Variants in RNLS observed in about 807,000 individuals in gnomAD.
RNLS encodes the protein renalase.
A neutral mutation model predicts 39.8 loss-of-function variants in RNLS; 39 were observed. That is an observed-to-expected ratio of 0.98 (90% CI 0.76 to 1.28). The LOEUF (loss-of-function observed/expected upper bound fraction) is 1.28. Ranked by LOEUF, RNLS falls within the 50% of genes most tolerant of loss-of-function variation. The pLI is 0.00. For synonymous variants in RNLS, 147 were observed against 150.7 expected, an observed-to-expected ratio of 0.98 and a Z score of 0.18; for missense variants, 410 against 413.3, an observed-to-expected ratio of 0.99 and a Z score of 0.07.
At chr10:88,333,079 A>C (rs1318419162) in intron 5 of RNLS, among the ~76,000 whole-genome samples, 6 of 152,128 alleles carry the variant, frequency 3.9e-5, no homozygotes, top group African/African-American at 1.4e-4. Context: ...GTAATTTCTT[A>C]AGTCAGTGCC....
chr10:88,288,350 T>C (rs1268106842), intron 6 of RNLS, among the ~76,000 whole-genome samples: 1 of 152,130 alleles, frequency 6.6e-6, no homozygotes, highest in Non-Finnish European at 1.5e-5. Flanking sequence ...AGAACTTACA[T>C]TTCCAGCACT....
chr10:88,369,071 C>A (rs1850339054), intron 4 of RNLS, among the ~76,000 whole-genome samples: 1 of 152,074 alleles, frequency 6.6e-6, no homozygotes, highest in Admixed American at 6.6e-5. Flanking sequence ...CTATTAGATT[C>A]TTCATGTTAT....
chr10:88,328,376 A>G (rs1030254591), intron 5 of RNLS, among the ~76,000 whole-genome samples: 1 of 152,200 alleles, frequency 6.6e-6, no homozygotes, highest in African/African-American at 2.4e-5. Flanking sequence ...TTTGCTTTAT[A>G]TCTAAGTTAG....
chr10:88,382,651 G>C lies in RNLS; in HGVS notation c.527-19926C>G, dbSNP rs544889367. Reference sequence around the variant, plus strand: ...TTTGGTGAGAACAGTTGCTTGAATAGTTGAGAATACTGGAAGCAATGGCAA... The same window carrying C: ...TTTGGTGAGAACAGTTGCTTGAATACTTGAGAATACTGGAAGCAATGGCAA... On this transcript the variant is annotated intron_variant, in intron 4 of 6. Transcript: ENST00000331772. 8.5e-4 allele frequency among the ~76,000 whole-genome samples: 129 copies of C among 152,232 alleles called. 1 individual carries two copies. In the South Asian group the frequency reaches 9.3e-3, roughly 11 times the overall value.
At chr10:88,547,087 T>C (rs1848354988) in intron 4 of RNLS, among the ~76,000 whole-genome samples, 1 of 152,234 alleles carries the variant, frequency 6.6e-6, no homozygotes, top group Non-Finnish European at 1.5e-5. Flanking sequence ...GTGAGCTTTT[T>C]CATTTCATTA....
At chr10:88,423,118 G>A (rs993032052) in intron 4 of RNLS, among the ~76,000 whole-genome samples, 2 of 152,114 alleles carry the variant, frequency 1.3e-5, no homozygotes, top group African/African-American at 4.8e-5. Context: ...AAAAATCACT[G>A]AATACTAGTT....
chr10:88,433,481 A>G (rs947280810), intron 4 of RNLS, among the ~76,000 whole-genome samples: 1 of 152,102 alleles, frequency 6.6e-6, no homozygotes, highest in African/African-American at 2.4e-5. Flanking sequence ...ATCATAATTT[A>G]GATATCATCT....
chr10:88,384,618 A>G (rs997571235), intron 4 of RNLS, among the ~76,000 whole-genome samples: 1 of 152,224 alleles, frequency 6.6e-6, no homozygotes, highest in Non-Finnish European at 1.5e-5. Flanking sequence ...ATTAATTACT[A>G]TATAGAAAGC....
the RNLS span, among the ~76,000 whole-genome samples, chr10:88,203,753 C>A: frequency 1.3e-5 from 2 of 149,438 alleles, no homozygotes; most frequent in African/African-American, 2.5e-5. Flanking sequence ...TTTGAGAAGT[C>A]GATACAAATA....
intron 4 of RNLS, among the ~76,000 whole-genome samples, chr10:88,547,439 C>A (rs554953725): frequency 6.6e-6 from 1 of 152,274 alleles, no homozygotes; most frequent in East Asian, 1.9e-4. Flanking sequence ...CATATCTTTG[C>A]AACATGCTAA....
At chr10:88,243,586 G>A in the RNLS span, among the ~76,000 whole-genome samples, 2,303 of 152,248 alleles carry the variant, frequency 0.015, 61 homozygotes, top group African/African-American at 0.052. Context: ...TCAGGGCATC[G>A]ATATTTTAAT....
the RNLS span, among the ~76,000 whole-genome samples, chr10:88,251,277 C>A: frequency 6.6e-6 from 1 of 152,324 alleles, no homozygotes; most frequent in East Asian, 1.9e-4. Flanking sequence ...TTGCCAGCAT[C>A]CTGCACACAA....
chr10:88,344,296 T>C (rs1848168011), intron 5 of RNLS, among the ~76,000 whole-genome samples: 1 of 152,208 alleles, frequency 6.6e-6, no homozygotes, highest in African/African-American at 2.4e-5. Flanking sequence ...AGAGAAGTTT[T>C]TGCCTTGACA....
Position 88,581,686 on chromosome 10 carries a change from T to C in RNLS, c.248A>G (p.Tyr83Cys), listed in dbSNP as rs780280263. The C allele has an allele frequency of 5.7e-6, 9 of 1,590,054 alleles. No individual in the cohort carries two copies. In the East Asian group the frequency reaches 1.8e-4, roughly 32 times the overall value. The stretch of plus-strand genomic sequence containing the variant: ...CGAGCTTAGAGGCCTCAAAACGCCA[T>C]AGGCTAACAGTTCATCATAAAAACT... ...HQRFYDELLA[Y>C]GVLRPLSSPI... The change falls in exon 3 of 7, where the codon TAT becomes TGT. Residue 83 changes from tyrosine to cysteine, a missense_variant. Tyr to Cys is a radical substitution (Grantham distance 194, BLOSUM62 -2). Coordinates refer to ENST00000331772, the MANE Select transcript of RNLS (RefSeq NM_001031709.3).
chr10:88,500,878 G>A (rs139063724), intron 4 of RNLS, among the ~76,000 whole-genome samples: 51 of 152,146 alleles, frequency 3.4e-4, no homozygotes, highest in African/African-American at 1.1e-3. Context: ...GCTAGCAATT[G>A]CATAAATTGG....
In RNLS at chr10:88,314,594, A is replaced by C. The variant is rs146268123; in HGVS notation, c.748T>G (p.Phe250Val). Reference protein sequence around the residue: ...PSLVIHTTVPFGVTYLEHSIE... With the variant: ...PSLVIHTTVPVGVTYLEHSIE... The stretch of plus-strand genomic sequence containing the variant: ...CTGTGTTCCAAGTATGTAACTCCAA[A>C]TGGGACAGTGGTGTGAATCACGAGG... Residue 250 changes from phenylalanine (F) to valine (V), a missense_variant, in exon 6 of 7, where the codon TTT becomes GTT. Transcript: ENST00000331772. The C allele has an allele frequency of 6.2e-7, 1 of 1,613,804 alleles. No individual in the cohort carries two copies. Among genetic ancestry groups the C allele is most frequent in the African/African-American group, 1.3e-5 (1 of 74,914 alleles).
downstream of RNLS, among the ~76,000 whole-genome samples, chr10:88,271,626 C>T (rs1842651485): frequency 6.6e-6 from 1 of 152,176 alleles, no homozygotes; most frequent in South Asian, 2.1e-4. Context: ...CTCAGAGAGC[C>T]TGGGAGGACT....
downstream of RNLS, among the ~76,000 whole-genome samples, chr10:88,281,988 A>G (rs1271501579): frequency 2.0e-5 from 3 of 152,146 alleles, no homozygotes. Flanking sequence ...GATGGAAAGG[A>G]TGAACGCACG....
At chr10:88,506,086 C>A (rs2134130908) in intron 4 of RNLS, among the ~76,000 whole-genome samples, 2 of 152,142 alleles carry the variant, frequency 1.3e-5, no homozygotes, top group Admixed American at 1.3e-4. Flanking sequence ...AGTTTGAGAA[C>A]CACTGGTTTA....
Sources: allele counts gnomAD v4.1 joint callset (sites outside exome capture counted in the v4.1 genomes callset), GRCh38; gene constraint gnomAD v4.1.1; transcripts MANE v1.5; gene names NCBI Gene and HGNC (gene_info 2026-07-23, HGNC 2026-07-21).